CACNA1E: variants seen among roughly 807,000 people sequenced by gnomAD.
CACNA1E encodes voltage-dependent R-type calcium channel subunit alpha-1E.
Under a neutral mutation model 259.2 loss-of-function variants are expected in CACNA1E, and 40 were observed. The observed-to-expected ratio is 0.15, with a 90% CI of 0.12 to 0.20. The LOEUF is 0.20. CACNA1E is among the 10% of genes least tolerant of loss of function. The pLI is 1.00. For missense variants in CACNA1E, 1,874 were observed against 3,040.1 expected, an observed-to-expected ratio of 0.62 and a Z score of 9.02; for synonymous variants, 1,104 against 1,138.5, an observed-to-expected ratio of 0.97 and a Z score of 0.61.
intron 23 of CACNA1E, among the ~76,000 whole-genome samples, chr1:181,738,157 C>T (rs1378551560): frequency 6.6e-6 from 1 of 152,240 alleles, no homozygotes; most frequent in Non-Finnish European, 1.5e-5. Context: ...GCCACTGGGT[C>T]ACATGGCTCC....
At chr1:181,382,279 GA>G (rs1230954868) in intron 1 of CACNA1E, among the ~76,000 whole-genome samples, 1 of 152,192 alleles carries the variant, frequency 6.6e-6, no homozygotes, top group Non-Finnish European at 1.5e-5. Context: ...GTTGGTAAGG[GA>G]GAGGAAGGTA....
chr1:181,344,530 C>T (rs1269274334), intron 1 of CACNA1E, among the ~76,000 whole-genome samples: 2 of 152,204 alleles, frequency 1.3e-5, no homozygotes, highest in Non-Finnish European at 2.9e-5. Flanking sequence ...AAACAACACT[C>T]AGCCTTTCTG....
chr1:181,419,645 A>G (rs12070125), intron 2 of CACNA1E, among the ~76,000 whole-genome samples: 39,542 of 152,194 alleles, frequency 0.26, 5,196 homozygotes, highest in Admixed American at 0.3. Flanking sequence ...TCAGGGTCCA[A>G]AACAGTGCCT....
intron 6 of CACNA1E, among the ~76,000 whole-genome samples, chr1:181,601,012 C>T (rs985964170): frequency 3.3e-5 from 5 of 152,026 alleles, no homozygotes; most frequent in Admixed American, 2.6e-4. Flanking sequence ...TCTCTTGGGG[C>T]TATTTCTTCT....
intron 7 of CACNA1E, among the ~76,000 whole-genome samples, chr1:181,698,980 A>T (rs990919289): frequency 6.6e-6 from 1 of 152,190 alleles, no homozygotes; most frequent in African/African-American, 2.4e-5. Flanking sequence ...ATTTCCTGCC[A>T]TGATGTTGCT....
intron 25 of CACNA1E, among the ~76,000 whole-genome samples, chr1:181,740,285 C>A (rs535453325): frequency 5.9e-5 from 9 of 152,304 alleles, no homozygotes; most frequent in Admixed American, 2.6e-4. Flanking sequence ...ACAGTATCTT[C>A]ATACGTTTAC....
intron 41 of CACNA1E, among the ~76,000 whole-genome samples, chr1:181,785,099 C>T (rs1417114661): frequency 6.6e-6 from 1 of 152,164 alleles, no homozygotes; most frequent in Non-Finnish European, 1.5e-5. Flanking sequence ...TCGTCACCAT[C>T]ACTAGGTGGG....
chr1:181,558,041 A>T (rs1648921712), intron 3 of CACNA1E, among the ~76,000 whole-genome samples: 1 of 152,240 alleles, frequency 6.6e-6, no homozygotes. Flanking sequence ...CTAAAGAGTG[A>T]GTTACCAGGA....
chr1:181,424,491 G>A (rs1571836954), intron 2 of CACNA1E, among the ~76,000 whole-genome samples: 2 of 152,366 alleles, frequency 1.3e-5, no homozygotes, highest in East Asian at 3.9e-4. Context: ...ACAAGGTGGT[G>A]CGCGAGCAGC....
intron 18 of CACNA1E, among the ~76,000 whole-genome samples, chr1:181,729,264 G>C (rs533261228): frequency 2.0e-5 from 3 of 151,946 alleles, no homozygotes; most frequent in Admixed American, 2.0e-4. Context: ...CACTGCTCAG[G>C]TGTATGTGCC....
chr1:181,724,549 T>C lies in CACNA1E; in HGVS notation c.2142+12T>C. The C allele has an allele frequency of 1.2e-6, 2 of 1,606,220 alleles. No homozygotes were observed. Among genetic ancestry groups the C allele is most frequent in the Non-Finnish European group, 1.7e-6 (2 of 1,175,120 alleles). ...AGGAACTGACCAAGGTAAGCATTGT[T>C]TTCTGGGGATCTGATGTTTCTCTAG... On this transcript the variant is annotated intron_variant, in intron 17 of 47. Coordinates refer to ENST00000367573, the MANE Select transcript of CACNA1E (RefSeq NM_001205293.3).
intron 3 of CACNA1E, among the ~76,000 whole-genome samples, chr1:181,545,969 C>A (rs1189891010): frequency 6.6e-6 from 1 of 151,976 alleles, no homozygotes; most frequent in African/African-American, 2.4e-5. Flanking sequence ...GGGGAGGAGC[C>A]TAAGGAACCT....
chr1:181,468,579 T>C (rs1405412322), intron 2 of CACNA1E, among the ~76,000 whole-genome samples: 1 of 152,176 alleles, frequency 6.6e-6, no homozygotes, highest in Non-Finnish European at 1.5e-5. Flanking sequence ...AATGCAAAGA[T>C]GAATGAGCCA....
At chr1:181,452,828 G>T (rs1015596558) in intron 2 of CACNA1E, among the ~76,000 whole-genome samples, 1 of 152,130 alleles carries the variant, frequency 6.6e-6, no homozygotes, top group African/African-American at 2.4e-5. Context: ...TCTTGTTCTA[G>T]GTTGTCTGGT....
chr1:181,533,944 T>A (rs1254376684), intron 3 of CACNA1E, among the ~76,000 whole-genome samples: 1 of 152,144 alleles, frequency 6.6e-6, no homozygotes, highest in African/African-American at 2.4e-5. Flanking sequence ...GTTAAAATCA[T>A]GTTGGTAGAT....
At chr1:181,376,016 C>T (rs969895381) in intron 1 of CACNA1E, among the ~76,000 whole-genome samples, 7 of 152,060 alleles carry the variant, frequency 4.6e-5, no homozygotes, top group Non-Finnish European at 1.0e-4. Flanking sequence ...TCCCTGTAGA[C>T]TGTAATCTCC....
intron 8 of CACNA1E, among the ~76,000 whole-genome samples, chr1:181,713,496 C>G (rs1257700860): frequency 6.6e-6 from 1 of 152,142 alleles, no homozygotes; most frequent in Non-Finnish European, 1.5e-5. Flanking sequence ...GTAATAATGG[C>G]CATCCGGTGA....
At chr1:181,497,081 T>A (rs1257979827) in intron 1 of CACNA1E, among the ~76,000 whole-genome samples, 1 of 151,832 alleles carries the variant, frequency 6.6e-6, no homozygotes, top group Non-Finnish European at 1.5e-5. Flanking sequence ...CATAGAGAGG[T>A]ATTTATTTAT....
At chr1:181,491,291 C>G (rs572190195) in intron 1 of CACNA1E, among the ~76,000 whole-genome samples, 87 of 151,794 alleles carry the variant, frequency 5.7e-4, no homozygotes, top group African/African-American at 2.1e-3. Context: ...CTGCCCGTTT[C>G]ATCTACACTA....
Sources: gnomAD v4.1 joint callset for allele counts (sites outside exome capture counted in the v4.1 genomes callset) on GRCh38, gnomAD v4.1.1 for gene constraint, MANE v1.5 for transcripts, NCBI Gene and HGNC (gene_info 2026-07-23, HGNC 2026-07-21) for gene names.